The following IPCEF1 variants were observed in gnomAD, a reference collection of about 807,000 sequenced individuals.
IPCEF1 encodes interactor protein for cytohesin exchange factors 1.
A neutral mutation model predicts 50.9 loss-of-function variants in IPCEF1; 31 were observed. The ratio of observed to expected loss-of-function variants is 0.61; its 90% CI spans 0.46 to 0.82. The LOEUF is 0.82. IPCEF1 is among the 40% of genes least tolerant of loss of function. The pLI, the probability that IPCEF1 is intolerant of heterozygous loss-of-function variation, is 0.00. For missense variants in IPCEF1, 458 were observed against 514.0 expected, an observed-to-expected ratio of 0.89 and a Z score of 1.05; for synonymous variants, 181 against 192.0, an observed-to-expected ratio of 0.94 and a Z score of 0.47.
At chr6:154,208,417 T>C (rs1194040803) in intron 9 of IPCEF1, among the ~76,000 whole-genome samples, 1 of 152,182 alleles carries the variant, frequency 6.6e-6, no homozygotes, top group African/African-American at 2.4e-5. Context: ...CCTCTATTCT[T>C]TGCCACAACC....
rs574926036 is a variant in IPCEF1, at chr6:154,179,149, G to T, written c.911-11036C>A. ...TCCAGTGGAAGCAGGTGATAAGTAGGATCACAGGACAAAAACAGACCCAAA... is the reference window on the plus strand; with the variant it reads ...TCCAGTGGAAGCAGGTGATAAGTAGTATCACAGGACAAAAACAGACCCAAA... On this transcript the variant is annotated intron_variant, in intron 10 of 11. Transcript: ENST00000367220. 5.8e-3 allele frequency among the ~76,000 whole-genome samples: 884 copies of T among 152,206 alleles called. 11 individuals are homozygous for T. The highest frequency in any genetic ancestry group is 0.021 in the African/African-American group (857 of 41,514).
Position 154,330,835 on chromosome 6 carries a change from A to G in IPCEF1, c.-62+25837T>C, listed in dbSNP as rs17085299. ...AGTCTGGCTTAGTGGTTGACACAGCATTTTCTACAGCCTACTGTCAAAGGC... is the reference window on the plus strand; with the variant it reads ...AGTCTGGCTTAGTGGTTGACACAGCGTTTTCTACAGCCTACTGTCAAAGGC... On this transcript the variant is annotated intron_variant, in intron 1 of 11. Transcript: ENST00000367220. Among the ~76,000 whole-genome samples the G allele has an allele frequency of 7.4e-3, 1,127 of 152,254 alleles. 12 individuals are homozygous for G. The highest frequency in any genetic ancestry group is 0.017 in the Middle Eastern group (5 of 294).
At position 154,157,643 on chromosome 6, in the gene IPCEF1, T is replaced by C. The variant is rs1268230186; in HGVS notation, c.*2185A>G. ...TTCACAAACCCTGCTCAAAAGTGTC[T>C]GGAGCTCTTCAATTTAAGAAAAACT... is the stretch of plus-strand genomic sequence containing the variant. On this transcript the variant is annotated 3_prime_UTR_variant, in exon 12 of 12. Transcript: ENST00000367220. 1 of 152,204 alleles carries C rather than the reference T, an allele frequency of 6.6e-6. No homozygotes were observed. The highest frequency in any genetic ancestry group is 2.4e-5 in the African/African-American group (1 of 41,438). The allele number at this position is 152,204 out of a possible 1,614,324, so 9.4% of individuals were successfully genotyped here.
chr6:154,173,395 C>A (rs962032885), intron 10 of IPCEF1, among the ~76,000 whole-genome samples: 1 of 152,028 alleles, frequency 6.6e-6, no homozygotes, highest in African/African-American at 2.4e-5. Flanking sequence ...CATGTTCTAA[C>A]CCATTGCAAG....
chr6:154,180,386 C>CTATATATATATATATATATA (rs58975780), intron 10 of IPCEF1, among the ~76,000 whole-genome samples: 1 of 88,324 alleles, frequency 1.1e-5, no homozygotes, highest in African/African-American at 4.9e-5. Flanking sequence ...ACAACAACAA[C>CTATATATATATATATATATA]TATATATATA....
At chr6:154,261,737 T>A (rs1781606894) in intron 3 of IPCEF1, among the ~76,000 whole-genome samples, 2 of 152,168 alleles carry the variant, frequency 1.3e-5, no homozygotes, top group Admixed American at 1.3e-4. Context: ...GCATTTTTTT[T>A]AGCACCACTT....
intron 1 of IPCEF1, among the ~76,000 whole-genome samples, chr6:154,323,929 G>T (rs746465519): frequency 2.6e-5 from 4 of 152,204 alleles, no homozygotes; most frequent in Non-Finnish European, 5.9e-5. Flanking sequence ...CTCCAGCCTG[G>T]ATGACAAAAG....
intron 9 of IPCEF1, among the ~76,000 whole-genome samples, chr6:154,206,155 G>A (rs1476279077): frequency 6.6e-6 from 1 of 152,152 alleles, no homozygotes; most frequent in African/African-American, 2.4e-5. Flanking sequence ...ATCAAGAGGG[G>A]CAAGTGATAT....
At chr6:154,211,187 C>T (rs1241322688) in intron 9 of IPCEF1, among the ~76,000 whole-genome samples, 1 of 152,042 alleles carries the variant, frequency 6.6e-6, no homozygotes, top group Non-Finnish European at 1.5e-5. Flanking sequence ...GAGGCCGAGG[C>T]AGGCGGATCA....
chr6:154,328,713 T>C (rs146069307), intron 1 of IPCEF1, among the ~76,000 whole-genome samples: 1 of 152,342 alleles, frequency 6.6e-6, no homozygotes, highest in East Asian at 1.9e-4. Flanking sequence ...TTTGACTTCA[T>C]TTGAGACTCT....
At chr6:154,240,056 G>T (rs1392449818) in intron 5 of IPCEF1, among the ~76,000 whole-genome samples, 1 of 152,108 alleles carries the variant, frequency 6.6e-6, no homozygotes, top group African/African-American at 2.4e-5. Flanking sequence ...TCAGAGGCTG[G>T]TTCTTGGCTA....
intron 10 of IPCEF1, among the ~76,000 whole-genome samples, chr6:154,183,179 C>T (rs765543662): frequency 6.6e-6 from 1 of 151,860 alleles, no homozygotes; most frequent in Non-Finnish European, 1.5e-5. Flanking sequence ...CGGGGTTTCA[C>T]TGTGTTAGCA....
At chr6:154,193,530 G>A (rs769133298) in intron 10 of IPCEF1, among the ~76,000 whole-genome samples, 9 of 152,142 alleles carry the variant, frequency 5.9e-5, no homozygotes, top group Non-Finnish European at 8.8e-5. Flanking sequence ...ATAAAAATAC[G>A]CATCTATCTG....
At chr6:154,210,948 A>G (rs1351590202) in intron 9 of IPCEF1, among the ~76,000 whole-genome samples, 1 of 152,232 alleles carries the variant, frequency 6.6e-6, no homozygotes, top group East Asian at 1.9e-4. Flanking sequence ...CATTATTTAA[A>G]TAATCAATAT....
At chr6:154,230,513 A>G (rs1779635526) in intron 5 of IPCEF1, among the ~76,000 whole-genome samples, 1 of 152,222 alleles carries the variant, frequency 6.6e-6, no homozygotes, top group African/African-American at 2.4e-5. Flanking sequence ...TGGAAAATAT[A>G]CAAAATTACT....
At chr6:154,327,587 T>C (rs570698326) in intron 1 of IPCEF1, among the ~76,000 whole-genome samples, 25 of 152,174 alleles carry the variant, frequency 1.6e-4, no homozygotes, top group Non-Finnish European at 3.4e-4. Context: ...TTGGTGAAGT[T>C]GCTGAGAAAA....
chr6:154,161,560 G>A (rs999975098), intron 11 of IPCEF1, among the ~76,000 whole-genome samples: 4 of 152,034 alleles, frequency 2.6e-5, no homozygotes, highest in African/African-American at 9.7e-5. Flanking sequence ...GCATCACATT[G>A]TCCAGGAAAC....
intron 1 of IPCEF1, among the ~76,000 whole-genome samples, chr6:154,341,478 A>G (rs530345605): frequency 6.6e-6 from 1 of 152,358 alleles, no homozygotes; most frequent in African/African-American, 2.4e-5. Context: ...CAGAAAGATT[A>G]GCATGAGAAA....
chr6:154,349,255 G>A (rs889843181), intron 1 of IPCEF1, among the ~76,000 whole-genome samples: 12 of 151,522 alleles, frequency 7.9e-5, no homozygotes, highest in African/African-American at 2.7e-4. Context: ...GCAGTGGTGC[G>A]ATCATTGCCT....
Sources: gnomAD v4.1 joint callset for allele counts (sites outside exome capture counted in the v4.1 genomes callset) on GRCh38, gnomAD v4.1.1 for gene constraint, MANE v1.5 for transcripts, NCBI Gene and HGNC (gene_info 2026-07-23, HGNC 2026-07-21) for gene names.